Variants in RNF8 observed in about 807,000 individuals in gnomAD.
RNF8 encodes ring finger protein 8.
In RNF8, 8 loss-of-function variants were observed where a neutral mutation model predicts 59.3. The ratio of observed to expected loss-of-function variants is 0.13; its 90% CI spans 0.08 to 0.24. The LOEUF is 0.24. Ranked by LOEUF, RNF8 falls within the 10% of genes least tolerant of loss-of-function variation. The pLI, the probability that RNF8 is intolerant of heterozygous loss-of-function variation, is 1.00. For synonymous variants in RNF8, 162 were observed against 200.0 expected (o/e 0.81, Z 1.60); for missense variants, 406 against 572.6 (o/e 0.71, Z 2.97).
chr6:37,379,155 A>G (rs907037290), intron 6 of RNF8, among the ~76,000 whole-genome samples: 1 of 152,080 alleles, frequency 6.6e-6, no homozygotes, highest in Non-Finnish European at 1.5e-5. Context: ...CTGGGACTAC[A>G]GGCACCCGCC....
chr6:37,358,706 A>G (rs1769206858), intron 1 of RNF8, among the ~76,000 whole-genome samples: 1 of 152,118 alleles, frequency 6.6e-6, no homozygotes, highest in African/African-American at 2.4e-5. Flanking sequence ...AAGATTTTAA[A>G]GAGAAGAGAA....
chr6:37,354,266 T>C lies in RNF8; in HGVS notation c.102T>C (p.Asp34=), dbSNP rs1769024779. The C allele has an allele frequency of 5.1e-6, 8 of 1,564,376 alleles. No homozygotes were observed. In the South Asian group the frequency reaches 9.4e-5, roughly 18 times the overall value. ...GCGCCGGGTGGCTGCTGCTGGAAGA[T>C]GGGTGCGAGGTACGGGGGAAGGGGT... ...GMSAGWLLLE[D]GCEVTVGRGF... Residue 34 remains aspartate, a synonymous_variant, in exon 1 of 8, where the codon GAT becomes GAC. Transcript: ENST00000373479.
chr6:37,380,364 A>G (rs909825937), intron 6 of RNF8, among the ~76,000 whole-genome samples: 1 of 152,096 alleles, frequency 6.6e-6, no homozygotes, highest in Non-Finnish European at 1.5e-5. Context: ...ATTGTCTAAC[A>G]TAAAGCTTAA....
chr6:37,371,903 T>C (rs1769823618), intron 4 of RNF8, among the ~76,000 whole-genome samples: 1 of 152,232 alleles, frequency 6.6e-6, no homozygotes, highest in African/African-American at 2.4e-5. Flanking sequence ...ATGTGAGGTA[T>C]GACTTGGCCA....
chr6:37,379,370 C>T (rs1284099491), intron 6 of RNF8, among the ~76,000 whole-genome samples: 1 of 152,160 alleles, frequency 6.6e-6, no homozygotes, highest in Non-Finnish European at 1.5e-5. Context: ...ATGTAATAAA[C>T]ACAATGTTTC....
chr6:37,390,762 C>A lies in RNF8; in HGVS notation c.*4C>A. On this transcript the variant is annotated 3_prime_UTR_variant, in exon 8 of 8. Coordinates refer to ENST00000373479, the MANE Select transcript of RNF8 (RefSeq NM_003958.4). ...CAAAGCAAAGAGATTGTTCTGAAGA[C>A]CGTGCTCTAAGGGCATTTGAAAGAC... is the stretch of plus-strand genomic sequence containing the variant. 2 of 1,613,600 alleles carry A rather than the reference C, an allele frequency of 1.2e-6. No individual in the cohort carries two copies. The highest frequency in any genetic ancestry group is 1.7e-6 in the Non-Finnish European group (2 of 1,179,570).
intron 4 of RNF8, among the ~76,000 whole-genome samples, chr6:37,372,799 GTCTC>G (rs1769864442): frequency 6.6e-6 from 1 of 152,162 alleles, no homozygotes; most frequent in Non-Finnish European, 1.5e-5. Context: ...GAGAAACCCT[GTCTC>G]TACTAAAAAT....
Position 37,368,640 on chromosome 6 carries a change from T to C in RNF8, c.397T>C (p.Tyr133His), listed in dbSNP as rs1248170761. The C allele has an allele frequency of 1.2e-6, 2 of 1,613,962 alleles. No individual in the cohort carries two copies. The highest frequency in any genetic ancestry group is 2.7e-5 in the African/African-American group (2 of 74,924). The change falls in exon 3 of 8, where the codon TAT becomes CAT. Residue 133 changes from tyrosine to histidine, a missense_variant. Around this residue, in one of 3 missense-constraint regions of RNF8, gnomAD observed 285 missense variants for 342.0 expected, o/e 0.83. Coordinates refer to ENST00000373479, the MANE Select transcript of RNF8 (RefSeq NM_003958.4). ...EVTEEDWETI[Y>H]PCLSPKNDQM... ...TACTGAAGAAGACTGGGAGACAATA[T>C]ATCCTTGTCTTTCCCCAAAGAATGA... is the stretch of plus-strand genomic sequence containing the variant.
rs1340419982 is a variant in RNF8, at chr6:37,374,651, G to T, written c.1070G>T (p.Ser357Ile). The change falls in exon 5 of 8, where the codon AGC (serine) becomes ATC (isoleucine). Residue 357 changes from serine to isoleucine, a missense_variant. Around this residue, in one of 3 missense-constraint regions of RNF8, gnomAD observed 285 missense variants for 342.0 expected, o/e 0.83. Transcript: ENST00000373479. The stretch of plus-strand genomic sequence containing the variant: ...GCTCTAATGGAAGAGCTAAATCGCA[G>T]CAAGAAGGACTTTGAAGCAATCATT... ...HWALMEELNRSKKDFEAIIQA... is the reference protein window; with the variant it reads ...HWALMEELNRIKKDFEAIIQA... The T allele has an allele frequency of 6.2e-7, 1 of 1,614,014 alleles. No individual in the cohort carries two copies. Among genetic ancestry groups the T allele is most frequent in the African/African-American group, 1.3e-5 (1 of 74,922 alleles).
chr6:37,361,185 G>A (rs1254785061), intron 2 of RNF8: 2 of 453,162 alleles, frequency 4.4e-6, no homozygotes, highest in East Asian at 1.4e-4. Flanking sequence ...TACCTAATGT[G>A]CTGGGTGTGG....
intron 4 of RNF8, among the ~76,000 whole-genome samples, chr6:37,373,848 A>G (rs527673921): frequency 6.6e-6 from 1 of 152,352 alleles, no homozygotes; most frequent in East Asian, 1.9e-4. Context: ...TTCTTGAATA[A>G]TATCTTTTCA....
At position 37,368,531 on chromosome 6, in the gene RNF8, G is replaced by C; in HGVS notation, c.288G>C (p.Arg96Ser). ...WLNRARLEPL[R>S]VYSIHQGDYI... ...ACAGAGCGCGTCTGGAACCTTTAAG[G>C]GTCTATTCCATTCATCAGGGAGACT... Residue 96 changes from arginine to serine, a missense_variant, in exon 3 of 8, where the codon AGG becomes AGC. Around this residue, in one of 3 missense-constraint regions of RNF8, gnomAD observed 285 missense variants for 342.0 expected, o/e 0.83. Coordinates refer to ENST00000373479, the MANE Select transcript of RNF8 (RefSeq NM_003958.4). 1.9e-6 allele frequency: 3 copies of C among 1,614,074 alleles called. No homozygotes were observed. Among genetic ancestry groups the C allele is most frequent in the Non-Finnish European group, 2.5e-6 (3 of 1,179,992 alleles).
chr6:37,354,360 C>A, intron 1 of RNF8, 85 bp downstream of exon 1: 1 of 1,070,334 alleles, frequency 9.3e-7, no homozygotes, highest in Non-Finnish European at 1.3e-6. Flanking sequence ...TCTTGCTGGG[C>A]TGAATGAATG....
intron 2 of RNF8, among the ~76,000 whole-genome samples, chr6:37,362,515 ATTTAAT>A (rs1562085715): frequency 1.4e-5 from 1 of 70,678 alleles, no homozygotes; most frequent in African/African-American, 6.0e-5. Flanking sequence ...GAGATAACTG[ATTTAAT>A]TTTAAGAGAA....
At position 37,360,700 on chromosome 6, in the gene RNF8, C is replaced by G; in HGVS notation, c.240+126C>G. On this transcript the variant is annotated intron_variant, in intron 2 of 7. Transcript: ENST00000373479. This position sits in a 1 kb window ranked among gnomAD's most constrained non-coding sequence, Gnocchi z 4.2. ...CTTCTTCTTTCCTAGCCATCCAGTTCCCTTTTCCAGAGGCAGCCACTTCCA... is the reference window on the plus strand; with the variant it reads ...CTTCTTCTTTCCTAGCCATCCAGTTGCCTTTTCCAGAGGCAGCCACTTCCA... 1 of 961,804 alleles carries G rather than the reference C, an allele frequency of 1.0e-6. No individual in the cohort carries two copies. The highest frequency in any genetic ancestry group is 1.5e-6 in the Non-Finnish European group (1 of 677,412). 59.6% of individuals were successfully genotyped at this position (961,804 alleles called of 1,614,324 possible).
At chr6:37,354,327 G>C in intron 1 of RNF8, 52 bp downstream of exon 1, 1 of 1,404,194 alleles carries the variant, frequency 7.1e-7, no homozygotes, top group Non-Finnish European at 9.5e-7. Context: ...GAGGGAGCGG[G>C]GCTCCGGGGA....
At chr6:37,371,707 GGCA>G in intron 4 of RNF8, 133 bp downstream of exon 4, 1 of 634,140 alleles carries the variant, frequency 1.6e-6, no homozygotes, top group African/African-American at 1.8e-5. Context: ...CAGAGCAGGT[GGCA>G]GCTGCTCACA....
chr6:37,387,623 T>C (rs562853085), intron 7 of RNF8, among the ~76,000 whole-genome samples: 33 of 152,330 alleles, frequency 2.2e-4, no homozygotes, highest in African/African-American at 6.7e-4. Flanking sequence ...GTTATAGGCA[T>C]GCGCCACCAC....
chr6:37,373,045 T>C (rs1015413364), intron 4 of RNF8, among the ~76,000 whole-genome samples: 1 of 152,238 alleles, frequency 6.6e-6, no homozygotes, highest in African/African-American at 2.4e-5. Context: ...GGTGGTTTTT[T>C]GTTCCACCAT....
Sources: allele counts gnomAD v4.1 joint callset (sites outside exome capture counted in the v4.1 genomes callset), GRCh38; gene constraint gnomAD v4.1.1; regional missense constraint gnomAD v4.1.1; non-coding constraint Gnocchi (gnomAD v3.1); transcripts MANE v1.5; gene names NCBI Gene and HGNC (gene_info 2026-07-23, HGNC 2026-07-21).